KLHL29: variants seen among roughly 807,000 people sequenced by gnomAD.
KLHL29 encodes kelch like family member 29, also known as kelch-like protein 29.
In KLHL29, 21 loss-of-function variants were observed where a neutral mutation model predicts 80.4. That is an observed-to-expected ratio of 0.26 (90% CI 0.19 to 0.38). The LOEUF (loss-of-function observed/expected upper bound fraction) is 0.38, where lower values mean the gene tolerates loss of function less well. Among genes scored for constraint, KLHL29 ranks in the 10% least tolerant of loss-of-function variants. The pLI is 1.00. For missense variants in KLHL29, 867 were observed against 1,223.9 expected (o/e 0.71, Z 4.35); for synonymous variants, 511 against 526.8 (o/e 0.97, Z 0.41).
intron 2 of KLHL29, among the ~76,000 whole-genome samples, chr2:23,548,689 G>A (rs187331678): frequency 6.6e-6 from 1 of 152,342 alleles, no homozygotes; most frequent in Non-Finnish European, 1.5e-5. Context: ...CGCGTGGCAA[G>A]CAGTGAGTGC....
chr2:23,693,572 G>A, intron 8 of KLHL29, 44 bp downstream of exon 8: 1 of 1,530,078 alleles, frequency 6.5e-7, no homozygotes, highest in Non-Finnish European at 8.8e-7. Flanking sequence ...TGGGTTTGGG[G>A]TCCCCCTGCG....
chr2:23,562,039 G>A lies in KLHL29; in HGVS notation c.-45-113G>A, dbSNP rs1667459019. On this transcript the variant is annotated intron_variant, in intron 2 of 13. Coordinates refer to ENST00000486442, the MANE Select transcript of KLHL29 (RefSeq NM_052920.2). The surrounding 1 kb of genome is among the most constrained non-coding windows in gnomAD (Gnocchi z 4.5). ...GTGGGCTAGCGTGACTCTGAAATGA[G>A]CTAATGTTTGAAGGCCTGTTATTGA... 5.5e-6 allele frequency: 4 copies of A among 727,664 alleles called. No individual in the cohort carries two copies. The highest frequency in any genetic ancestry group is 3.2e-4 in the Middle Eastern group (1 of 3,118). 45.1% of individuals were successfully genotyped at this position (727,664 alleles called of 1,614,324 possible).
rs937868058 is a variant in KLHL29 at position 23,456,767 on chromosome 2, A to C, written c.-153-18793A>C. On this transcript the variant is annotated intron_variant, in intron 1 of 13. Transcript: ENST00000486442. ...ATCCTGGAGTCTTCCCCCACCAAAA[A>C]AAGGGGGTAGCTATGCCTGCACTTG... Among the ~76,000 whole-genome samples the C allele has an allele frequency of 5.9e-5, 9 of 152,200 alleles. 1 individual carries two copies. Among genetic ancestry groups the C allele is most frequent in the Non-Finnish European group, 2.9e-5 (2 of 68,044 alleles).
intron 2 of KLHL29, among the ~76,000 whole-genome samples, chr2:23,528,105 G>C (rs1177288548): frequency 2.0e-5 from 3 of 152,208 alleles, no homozygotes; most frequent in Non-Finnish European, 2.9e-5. Context: ...ATTAATTTTA[G>C]TCTTTCTTTT....
chr2:23,568,642 A>T lies in KLHL29; in HGVS notation c.285+6161A>T, dbSNP rs1408221740. Among the ~76,000 whole-genome samples, 14 of 152,362 alleles carry T rather than the reference A, an allele frequency of 9.2e-5. No individual in the cohort carries two copies. The East Asian group carries it at 2.7e-3, about 29-fold the overall frequency. On this transcript the variant is annotated intron_variant, in intron 3 of 13. Coordinates refer to ENST00000486442, the MANE Select transcript of KLHL29 (RefSeq NM_052920.2). Reference sequence around the variant, plus strand: ...ATGTTTGCTAAAATCCCACTGGCCAAAGCAGGAGGCATGGCCAAGCCAGAT... The same window carrying T: ...ATGTTTGCTAAAATCCCACTGGCCATAGCAGGAGGCATGGCCAAGCCAGAT...
intron 2 of KLHL29, among the ~76,000 whole-genome samples, chr2:23,524,508 T>C (rs1398543629): frequency 6.6e-6 from 1 of 152,124 alleles, no homozygotes; most frequent in Non-Finnish European, 1.5e-5. Flanking sequence ...GCCACACGGC[T>C]GGCAGGCCAG....
At chr2:23,557,310 C>T (rs1478983213) in intron 2 of KLHL29, among the ~76,000 whole-genome samples, 1 of 152,192 alleles carries the variant, frequency 6.6e-6, no homozygotes, top group South Asian at 2.1e-4. Flanking sequence ...TTAACTGTGC[C>T]GTCTCACTCA....
rs572705293 is a variant in KLHL29 at position 23,580,155 on chromosome 2, G to A, written c.285+17674G>A. On this transcript the variant is annotated intron_variant, in intron 3 of 13. Coordinates refer to ENST00000486442, the MANE Select transcript of KLHL29 (RefSeq NM_052920.2). ...GGAAGCTGAGGCGGGCCGATCACGA[G>A]GTCAGGAGATCAAGACCATCCTGGC... Among the ~76,000 whole-genome samples the A allele has an allele frequency of 2.6e-4, 40 of 152,174 alleles. 1 individual carries two copies. Among genetic ancestry groups the A allele is most frequent in the African/African-American group, 9.2e-4 (38 of 41,506 alleles).
At chr2:23,528,526 C>G (rs1002077371) in intron 2 of KLHL29, among the ~76,000 whole-genome samples, 5 of 152,192 alleles carry the variant, frequency 3.3e-5, no homozygotes, top group African/African-American at 1.2e-4. Context: ...GCCACGCGCT[C>G]CCTTGCATGG....
Position 23,680,687 on chromosome 2 carries a change from C to T in KLHL29, c.941-3712C>T, listed in dbSNP as rs146831114. ...TCTCCTGGGCTCTCTAGGCCATCTT[C>T]CCCTGGGGTCTCTAGGCCATCTTCC... On this transcript the variant is annotated intron_variant, in intron 5 of 13. Transcript: ENST00000486442. This position sits in a 1 kb window ranked among gnomAD's most constrained non-coding sequence, Gnocchi z 4.1. Among the ~76,000 whole-genome samples the T allele has an allele frequency of 2.9e-3, 429 of 146,542 alleles. No homozygotes were observed. Among genetic ancestry groups the T allele is most frequent in the South Asian group, 7.7e-3 (33 of 4,290 alleles).
At chr2:23,683,537 T>C (rs1671150862) in intron 5 of KLHL29, among the ~76,000 whole-genome samples, 1 of 152,228 alleles carries the variant, frequency 6.6e-6, no homozygotes, top group African/African-American at 2.4e-5. Context: ...GGGGTGGGTC[T>C]GGGAGAAGCT....
intron 2 of KLHL29, among the ~76,000 whole-genome samples, chr2:23,510,178 T>C (rs1263513310): frequency 1.3e-5 from 2 of 152,148 alleles, no homozygotes; most frequent in Non-Finnish European, 2.9e-5. Context: ...GGGAGTTTGC[T>C]GAAATCTTGC....
intron 1 of KLHL29, among the ~76,000 whole-genome samples, chr2:23,445,810 T>C (rs1472213110): frequency 6.6e-6 from 1 of 152,046 alleles, no homozygotes; most frequent in Non-Finnish European, 1.5e-5. Context: ...GAGAAATGAG[T>C]GTTTCTGTTT....
chr2:23,585,450 C>T (rs1668094199), intron 3 of KLHL29, among the ~76,000 whole-genome samples: 1 of 152,118 alleles, frequency 6.6e-6, no homozygotes, highest in South Asian at 2.1e-4. Context: ...TTCTGGCCAG[C>T]GTGTTAACAG....
At position 23,686,544 on chromosome 2, in the gene KLHL29, G is replaced by A. The variant is rs893772572; in HGVS notation, c.1079+2007G>A. On this transcript the variant is annotated intron_variant, in intron 6 of 13. Coordinates refer to ENST00000486442, the MANE Select transcript of KLHL29 (RefSeq NM_052920.2). ...GGCAGAGGATGGGCAGGACCAGGACGGAAAGGCAAGCACCAGGACCCAAGG... is the reference window on the plus strand; with the variant it reads ...GGCAGAGGATGGGCAGGACCAGGACAGAAAGGCAAGCACCAGGACCCAAGG... Among the ~76,000 whole-genome samples, 78 of 152,148 alleles carry A rather than the reference G, an allele frequency of 5.1e-4. 1 individual carries two copies. Among genetic ancestry groups the A allele is most frequent in the African/African-American group, 1.2e-3 (51 of 41,434 alleles).
intron 3 of KLHL29, among the ~76,000 whole-genome samples, chr2:23,602,776 T>C (rs1668604563): frequency 6.6e-6 from 1 of 152,060 alleles, no homozygotes; most frequent in Non-Finnish European, 1.5e-5. Flanking sequence ...TATTCTGTCC[T>C]CACGGTCTGA....
intron 1 of KLHL29, among the ~76,000 whole-genome samples, chr2:23,436,522 G>C (rs985224726): frequency 2.6e-5 from 4 of 152,232 alleles, no homozygotes; most frequent in East Asian, 1.9e-4. Flanking sequence ...TTTAGGCACC[G>C]AGAGCTGCAC....
At chr2:23,687,961 G>A (rs904431756) in intron 6 of KLHL29, among the ~76,000 whole-genome samples, 2 of 152,234 alleles carry the variant, frequency 1.3e-5, no homozygotes, top group South Asian at 2.1e-4. Flanking sequence ...GCCTGCGGCC[G>A]AGTCCCTTTG....
At chr2:23,615,994 C>A (rs1668994185) in intron 3 of KLHL29, among the ~76,000 whole-genome samples, 1 of 152,180 alleles carries the variant, frequency 6.6e-6, no homozygotes, top group Admixed American at 6.5e-5. Flanking sequence ...TTCTGGTGGC[C>A]TTGATCCCTC....
Sources: allele counts gnomAD v4.1 joint callset (sites outside exome capture counted in the v4.1 genomes callset), GRCh38; gene constraint gnomAD v4.1.1; non-coding constraint Gnocchi (gnomAD v3.1); transcripts MANE v1.5; gene names NCBI Gene and HGNC (gene_info 2026-07-23, HGNC 2026-07-21).